The following NRG1 variants were observed in gnomAD, a reference collection of about 807,000 sequenced individuals.
NRG1 encodes the protein neuregulin 1, also known as pro-neuregulin-1, membrane-bound isoform.
NRG1 carries 18 observed loss-of-function variants against 63.8 expected under a neutral mutation model. The ratio of observed to expected loss-of-function variants is 0.28; its 90% CI spans 0.19 to 0.42. The LOEUF is 0.42. Among genes scored for constraint, NRG1 ranks in the 10% least tolerant of loss-of-function variants. The probability of loss-of-function intolerance (pLI) is 1.00; values close to 1 mark genes in which losing one functional copy is unlikely to be tolerated. For synonymous variants in NRG1, 302 were observed against 301.3 expected (o/e 1.00, Z -0.02); for missense variants, 762 against 814.7 (o/e 0.94, Z 0.79).
intron 1 of NRG1, among the ~76,000 whole-genome samples, chr8:32,539,476 G>A (rs1175382714): frequency 6.6e-6 from 1 of 152,202 alleles, no homozygotes; most frequent in African/African-American, 2.4e-5. Context: ...GCTGGAGGCA[G>A]GTGAGAAGAA....
chr8:32,463,272 A>C (rs915354946), intron 1 of NRG1, among the ~76,000 whole-genome samples: 1 of 152,162 alleles, frequency 6.6e-6, no homozygotes, highest in Non-Finnish European at 1.5e-5. Flanking sequence ...AAGTGCAGAT[A>C]TGTCCATGAG....
At chr8:31,913,371 C>A (rs1208766389) in intron 1 of NRG1, among the ~76,000 whole-genome samples, 3 of 152,122 alleles carry the variant, frequency 2.0e-5, no homozygotes, top group African/African-American at 7.2e-5. Flanking sequence ...TGCCATATTT[C>A]TTTACAAATA....
At chr8:32,706,802 T>C (rs1027620505) in intron 5 of NRG1, among the ~76,000 whole-genome samples, 4 of 152,126 alleles carry the variant, frequency 2.6e-5, no homozygotes, top group Non-Finnish European at 4.4e-5. Context: ...TTTCACCAAA[T>C]ATTAGCCACA....
At chr8:32,587,000 TG>T (rs1371534916) in intron 1 of NRG1, among the ~76,000 whole-genome samples, 2 of 152,000 alleles carry the variant, frequency 1.3e-5, no homozygotes, top group Admixed American at 1.3e-4. Context: ...GAGGATTGCT[TG>T]AAGTGTTTGA....
intron 1 of NRG1, among the ~76,000 whole-genome samples, chr8:31,773,933 C>T (rs569577275): frequency 5.9e-5 from 9 of 151,756 alleles, no homozygotes; most frequent in African/African-American, 1.7e-4. Context: ...TTATTGAGGA[C>T]AGATTCTGTG....
chr8:32,004,227 G>T (rs1376314435), intron 1 of NRG1, among the ~76,000 whole-genome samples: 2 of 151,900 alleles, frequency 1.3e-5, no homozygotes, highest in Non-Finnish European at 1.5e-5. Flanking sequence ...TTCAGGGACT[G>T]GTTGAGGATG....
chr8:32,406,332 G>A (rs1813977333), intron 1 of NRG1, among the ~76,000 whole-genome samples: 1 of 152,140 alleles, frequency 6.6e-6, no homozygotes, highest in Non-Finnish European at 1.5e-5. Flanking sequence ...ATATATCTAT[G>A]CCTTTGTTTT....
In NRG1 at chr8:32,500,180, G is replaced by A. The variant is rs190645871; in HGVS notation, c.38-95648G>A. ...TGCAGCAAGAATAGTAATTTAGCAC[G>A]TAGGCTTTTTTGTGTTTGCTCTTCT... On this transcript the variant is annotated intron_variant, in intron 1 of 10. Coordinates refer to the NRG1 transcript ENST00000519301. Among the ~76,000 whole-genome samples, 79 of 152,274 alleles carry A rather than the reference G, an allele frequency of 5.2e-4. No individual in the cohort carries two copies. In the East Asian group the frequency reaches 0.012, roughly 23 times the overall value.
intron 1 of NRG1, among the ~76,000 whole-genome samples, chr8:32,265,583 C>T (rs1850843899): frequency 6.6e-6 from 1 of 152,052 alleles, no homozygotes; most frequent in Non-Finnish European, 1.5e-5. Flanking sequence ...TAGCTCACAC[C>T]TATAATCCTT....
chr8:32,768,409 C>G (rs958459966), downstream of NRG1, among the ~76,000 whole-genome samples: 2 of 152,184 alleles, frequency 1.3e-5, no homozygotes, highest in African/African-American at 4.8e-5. Context: ...GCCTAAAAGG[C>G]AGCCAGTTGA....
chr8:31,741,380 A>G (rs1251923499), intron 1 of NRG1, among the ~76,000 whole-genome samples: 1 of 152,014 alleles, frequency 6.6e-6, no homozygotes, highest in Non-Finnish European at 1.5e-5. Flanking sequence ...AGTTGAAAGT[A>G]AATAAATAGA....
At chr8:31,804,268 T>C (rs1401601662) in intron 1 of NRG1, among the ~76,000 whole-genome samples, 3 of 152,166 alleles carry the variant, frequency 2.0e-5, no homozygotes, top group Non-Finnish European at 2.9e-5. Context: ...TTCAGAAATA[T>C]GCCAAATATG....
chr8:32,069,355 A>G (rs1229983909), intron 1 of NRG1, among the ~76,000 whole-genome samples: 4 of 152,194 alleles, frequency 2.6e-5, no homozygotes, highest in Non-Finnish European at 5.9e-5. Flanking sequence ...GGCTTTGAGG[A>G]TTAGAGTTAT....
chr8:31,747,171 G>C (rs1024048546), intron 1 of NRG1, among the ~76,000 whole-genome samples: 1 of 151,978 alleles, frequency 6.6e-6, no homozygotes, highest in Non-Finnish European at 1.5e-5. Flanking sequence ...GAAGAGTGCA[G>C]TTGGATTCTT....
chr8:31,817,208 A>G (rs1324032734), intron 1 of NRG1, among the ~76,000 whole-genome samples: 2 of 152,204 alleles, frequency 1.3e-5, no homozygotes, highest in Non-Finnish European at 2.9e-5. Context: ...GCATTAGTGC[A>G]CCTAAGAATG....
At chr8:31,709,349 C>T (rs1190204419) in intron 1 of NRG1, among the ~76,000 whole-genome samples, 2 of 151,852 alleles carry the variant, frequency 1.3e-5, no homozygotes, top group Non-Finnish European at 2.9e-5. Flanking sequence ...TTTCATATAA[C>T]GAATTATTTG....
At chr8:31,922,916 C>T (rs988100127) in intron 1 of NRG1, among the ~76,000 whole-genome samples, 5 of 152,122 alleles carry the variant, frequency 3.3e-5, no homozygotes, top group African/African-American at 1.2e-4. Context: ...AAGAAAAGAG[C>T]TAGCATAGAG....
chr8:32,257,162 C>T (rs1367478329), intron 1 of NRG1, among the ~76,000 whole-genome samples: 1 of 152,152 alleles, frequency 6.6e-6, no homozygotes, highest in African/African-American at 2.4e-5. Context: ...CCCAGGTGGA[C>T]TTCAGACTGC....
chr8:32,024,505 A>G (rs1420390198), intron 1 of NRG1, among the ~76,000 whole-genome samples: 3 of 152,234 alleles, frequency 2.0e-5, no homozygotes, highest in African/African-American at 7.2e-5. Context: ...AATATTACAT[A>G]ACACTATGTA....
Sources: gnomAD v4.1 joint callset for allele counts (sites outside exome capture counted in the v4.1 genomes callset) on GRCh38, gnomAD v4.1.1 for gene constraint, MANE v1.5 for transcripts, NCBI Gene and HGNC (gene_info 2026-07-23, HGNC 2026-07-21) for gene names.